The following NTM variants were observed in gnomAD, a reference collection of about 807,000 sequenced individuals.
NTM encodes the protein IgLON family member 2.
Under a neutral mutation model 42.1 loss-of-function variants are expected in NTM, and 13 were observed. That is an observed-to-expected ratio of 0.31 (90% CI 0.20 to 0.49). NTM has a LOEUF of 0.49. Among genes scored for constraint, NTM ranks in the 20% least tolerant of loss-of-function variants. The pLI is 0.99. For synonymous variants in NTM, 187 were observed against 179.2 expected (o/e 1.04, Z -0.35); for missense variants, 373 against 452.8 (o/e 0.82, Z 1.60).
intron 1 of NTM, among the ~76,000 whole-genome samples, chr11:131,597,647 G>C (rs368205068): frequency 6.6e-6 from 1 of 152,196 alleles, no homozygotes. Flanking sequence ...CCTGAGCTTT[G>C]TGCTCAGTGT....
chr11:132,096,282 T>C (rs1248223587), intron 2 of NTM, among the ~76,000 whole-genome samples: 1 of 152,186 alleles, frequency 6.6e-6, no homozygotes, highest in Non-Finnish European at 1.5e-5. Context: ...TGGCCGGGCA[T>C]TGGTCTTGAA....
intron 1 of NTM, among the ~76,000 whole-genome samples, chr11:131,448,575 C>G (rs1001761649): frequency 1.3e-5 from 2 of 152,260 alleles, no homozygotes; most frequent in African/African-American, 4.8e-5. Flanking sequence ...CAGAGGCTGC[C>G]TCACTTCCAA....
intron 1 of NTM, among the ~76,000 whole-genome samples, chr11:131,845,933 T>G (rs1277570817): frequency 6.6e-6 from 1 of 152,142 alleles, no homozygotes; most frequent in East Asian, 1.9e-4. Context: ...CTGTGGAGCA[T>G]TTCCTGTTTT....
intron 1 of NTM, among the ~76,000 whole-genome samples, chr11:131,756,460 G>T (rs1591632432): frequency 6.6e-6 from 1 of 151,454 alleles, no homozygotes; most frequent in Admixed American, 6.6e-5. Context: ...GGAGACGGAG[G>T]TTGCAGTGAG....
chr11:131,809,693 G>A (rs984122240), intron 1 of NTM, among the ~76,000 whole-genome samples: 1 of 152,078 alleles, frequency 6.6e-6, no homozygotes, highest in African/African-American at 2.4e-5. Context: ...TTGATCTGAG[G>A]CAGCTGTCGT....
At chr11:131,709,706 C>T (rs1592653424) in intron 1 of NTM, among the ~76,000 whole-genome samples, 1 of 152,106 alleles carries the variant, frequency 6.6e-6, no homozygotes, top group Non-Finnish European at 1.5e-5. Flanking sequence ...ACAGGATTGA[C>T]CCACTTGAGA....
At chr11:132,128,854 C>T (rs569534596) in intron 2 of NTM, among the ~76,000 whole-genome samples, 95 of 144,772 alleles carry the variant, frequency 6.6e-4, no homozygotes, top group South Asian at 1.5e-3. Context: ...AGGAGAATGG[C>T]ATGAATCCGG....
chr11:132,156,242 C>T (rs542505579), intron 3 of NTM, among the ~76,000 whole-genome samples: 3 of 152,230 alleles, frequency 2.0e-5, no homozygotes, highest in East Asian at 3.9e-4. Flanking sequence ...GACCTCTGCT[C>T]CTGGTTCATG....
intron 1 of NTM, among the ~76,000 whole-genome samples, chr11:131,857,503 C>G (rs1161404380): frequency 1.3e-5 from 2 of 152,188 alleles, no homozygotes; most frequent in African/African-American, 4.8e-5. Flanking sequence ...CTGGCTGTAC[C>G]TTTCATCTGG....
chr11:131,993,062 T>C (rs2031792594), intron 2 of NTM, among the ~76,000 whole-genome samples: 1 of 152,150 alleles, frequency 6.6e-6, no homozygotes, highest in Non-Finnish European at 1.5e-5. Flanking sequence ...ATTATAAAAG[T>C]TCAGTAAGTT....
chr11:131,719,756 G>A (rs1325779268), intron 1 of NTM, among the ~76,000 whole-genome samples: 1 of 152,210 alleles, frequency 6.6e-6, no homozygotes, highest in Admixed American at 6.5e-5. Context: ...AATGGGGGTT[G>A]AGCAGCCAAA....
chr11:131,754,786 G>A (rs2083102390), intron 1 of NTM, among the ~76,000 whole-genome samples: 1 of 152,172 alleles, frequency 6.6e-6, no homozygotes, highest in Non-Finnish European at 1.5e-5. Context: ...AACAATCCAT[G>A]TTCATCAACA....
At chr11:131,881,747 A>G (rs1198639130) in intron 1 of NTM, among the ~76,000 whole-genome samples, 1 of 152,214 alleles carries the variant, frequency 6.6e-6, no homozygotes, top group Non-Finnish European at 1.5e-5. Flanking sequence ...CTCTCCAATT[A>G]TTGAGTACCT....
intron 3 of NTM, among the ~76,000 whole-genome samples, chr11:132,193,457 G>T (rs889534904): frequency 6.6e-6 from 1 of 151,652 alleles, no homozygotes; most frequent in Admixed American, 6.6e-5. Flanking sequence ...AACAATTTTC[G>T]AAACTAACAA....
intron 2 of NTM, among the ~76,000 whole-genome samples, chr11:131,994,626 G>T (rs749437491): frequency 2.0e-5 from 3 of 152,080 alleles, no homozygotes; most frequent in Non-Finnish European, 4.4e-5. Flanking sequence ...ATTTTTCAGG[G>T]TTTCATCATA....
intron 1 of NTM, among the ~76,000 whole-genome samples, chr11:131,664,337 C>T (rs1218318920): frequency 6.6e-6 from 1 of 152,230 alleles, no homozygotes; most frequent in Non-Finnish European, 1.5e-5. Flanking sequence ...TAATAATTAT[C>T]ATTACTTGAA....
At chr11:131,849,337 G>A (rs1431670966) in intron 1 of NTM, among the ~76,000 whole-genome samples, 1 of 152,174 alleles carries the variant, frequency 6.6e-6, no homozygotes, top group Non-Finnish European at 1.5e-5. Flanking sequence ...TCTGCAGGCT[G>A]TCTAAGCATG....
chr11:131,873,637 A>AC (rs1173211802), intron 1 of NTM, among the ~76,000 whole-genome samples: 5 of 123,124 alleles, frequency 4.1e-5, no homozygotes, highest in Non-Finnish European at 7.8e-5. Flanking sequence ...ATATATATAC[A>AC]CATATATATA....
At chr11:131,862,294 G>T (rs1291186186) in intron 1 of NTM, among the ~76,000 whole-genome samples, 1 of 152,168 alleles carries the variant, frequency 6.6e-6, no homozygotes, top group Non-Finnish European at 1.5e-5. Context: ...CCGACTTAAA[G>T]AAGTAATTTT....
Sources: allele counts gnomAD v4.1 joint callset (sites outside exome capture counted in the v4.1 genomes callset), GRCh38; gene constraint gnomAD v4.1.1; transcripts MANE v1.5; gene names NCBI Gene and HGNC (gene_info 2026-07-23, HGNC 2026-07-21).